HEPH: variants seen among roughly 807,000 people sequenced by gnomAD.
The protein encoded by HEPH is hephaestin.
HEPH carries 69 observed loss-of-function variants against 80.8 expected under a neutral mutation model. The observed-to-expected ratio is 0.85, with a 90% CI of 0.70 to 1.04. The LOEUF (loss-of-function observed/expected upper bound fraction) is 1.04, where lower values mean the gene tolerates loss of function less well. HEPH is among the 50% of genes least tolerant of loss of function. HEPH has a pLI of 0.00. For missense variants in HEPH, 1,115 were observed against 891.3 expected (o/e 1.25, Z -3.20); for synonymous variants, 431 against 322.8 (o/e 1.34, Z -3.60).
intron 15 of HEPH, among the ~76,000 whole-genome samples, chrX:66,239,612 A>T (rs1299695873): frequency 1.8e-5 from 2 of 111,833 alleles, no homozygotes; most frequent in African/African-American, 6.5e-5. Flanking sequence ...GATATGCATG[A>T]TTCTCAGCCA....
intron 1 of HEPH, among the ~76,000 whole-genome samples, chrX:66,164,693 A>G (rs1006450511): frequency 6.3e-5 from 7 of 111,937 alleles, no homozygotes; most frequent in Non-Finnish European, 1.3e-4. Flanking sequence ...TGTCTGTTTC[A>G]GGGCCAATCC....
chrX:66,219,477 C>T (rs1222569204), intron 15 of HEPH, among the ~76,000 whole-genome samples: 1 of 112,038 alleles, frequency 8.9e-6, no homozygotes, highest in Non-Finnish European at 1.9e-5. Context: ...TAGCATTTCT[C>T]ATCTGAGTTT....
chrX:66,164,905 A>G (rs1384870524), intron 1 of HEPH, among the ~76,000 whole-genome samples: 2 of 112,297 alleles, frequency 1.8e-5, no homozygotes, highest in Non-Finnish European at 3.8e-5. Context: ...TAACTAAGCT[A>G]AACATCTGAA....
intron 14 of HEPH, among the ~76,000 whole-genome samples, chrX:66,207,853 G>C (rs768547642): frequency 9.0e-6 from 1 of 111,211 alleles, no homozygotes; most frequent in Non-Finnish European, 1.9e-5. Context: ...GTTATAGATA[G>C]AGGGTAGGGG....
intron 16 of HEPH, among the ~76,000 whole-genome samples, chrX:66,255,587 G>A (rs914058637): frequency 9.0e-6 from 1 of 111,725 alleles, no homozygotes; most frequent in African/African-American, 3.3e-5. Context: ...CCAGCCATTA[G>A]TAATCATTTA....
In HEPH at chrX:66,188,399, A is replaced by C; in HGVS notation, c.666A>C (p.Val222=). Residue 222 remains valine (V), a synonymous_variant, in exon 5 of 21, where the codon GTA becomes GTC. Transcript: ENST00000343002. ...ACTCCCCTCCTCAACGCCAGGATGT[A>C]GACCATGATTTCTTCCTCCTCTTCA... ...DGNSPPQRQD[V]DHDFFLLFSV... is the part of the protein sequence containing the mutation. 1 of 1,202,906 alleles carries C rather than the reference A, an allele frequency of 8.3e-7. No homozygotes were observed. Among genetic ancestry groups the C allele is most frequent in the East Asian group, 3.0e-5 (1 of 33,728 alleles).
chrX:66,184,146 TGTG>T (rs1234498590), intron 4 of HEPH, among the ~76,000 whole-genome samples: 3 of 43,579 alleles, frequency 6.9e-5, no homozygotes, highest in Non-Finnish European at 1.0e-4. Context: ...TTGGAATAGG[TGTG>T]GTGTGGTGCT....
intron 15 of HEPH, among the ~76,000 whole-genome samples, chrX:66,232,484 A>T (rs1431823117): frequency 8.9e-6 from 1 of 111,873 alleles, no homozygotes; most frequent in Non-Finnish European, 1.9e-5. Context: ...TATCTGCTTC[A>T]GAATGCTGAC....
At chrX:66,190,292 G>A (rs2087722562) in intron 6 of HEPH, among the ~76,000 whole-genome samples, 1 of 111,165 alleles carries the variant, frequency 9.0e-6, no homozygotes, top group Admixed American at 9.6e-5. Context: ...GAGTGAAGGA[G>A]AGATTAATTA....
upstream of HEPH, chrX:66,164,160 A>T (rs1191691361): frequency 2.7e-6 from 2 of 729,222 alleles, no homozygotes; most frequent in Non-Finnish European, 1.6e-6. Context: ...TCCTCCTGAG[A>T]TCCTAACCAG....
chrX:66,229,654 G>A (rs1046960346), intron 15 of HEPH, among the ~76,000 whole-genome samples: 3 of 111,878 alleles, frequency 2.7e-5, no homozygotes, highest in Non-Finnish European at 3.8e-5. Flanking sequence ...TTTCCAAGAT[G>A]TTTATACCAG....
At chrX:66,189,368 C>T (rs937918903) in intron 5 of HEPH, among the ~76,000 whole-genome samples, 1 of 112,315 alleles carries the variant, frequency 8.9e-6, no homozygotes, top group Non-Finnish European at 1.9e-5. Context: ...TAACTAAATT[C>T]CTTAGAGAGC....
intron 1 of HEPH, among the ~76,000 whole-genome samples, chrX:66,166,262 C>T (rs542853174): frequency 9.0e-6 from 1 of 111,415 alleles, no homozygotes; most frequent in African/African-American, 3.3e-5. Flanking sequence ...GGTGCGATTT[C>T]GGCTCACCAC....
chrX:66,191,201 G>A (rs1189823635), intron 6 of HEPH, among the ~76,000 whole-genome samples: 6 of 111,442 alleles, frequency 5.4e-5, no homozygotes, highest in Non-Finnish European at 1.1e-4. Flanking sequence ...GCAACCTTGG[G>A]CAAGTTATTT....
chrX:66,235,292 A>G lies in HEPH; in HGVS notation c.2564-19743A>G, dbSNP rs146925105. On this transcript the variant is annotated intron_variant, in intron 15 of 20. Coordinates refer to ENST00000343002, the MANE Select transcript of HEPH (RefSeq NM_001367233.3). ...TGCCTTTTTGTAGATCCAGGATGGT[A>G]TTGCCTAAGTTTTCTTCCAGTATTT... Among the ~76,000 whole-genome samples, 413 of 111,502 alleles carry G rather than the reference A, an allele frequency of 3.7e-3. 4 individuals are homozygous for G. Among genetic ancestry groups the G allele is most frequent in the African/African-American group, 0.013 (391 of 30,671 alleles).
chrX:66,191,111 A>T (rs1046113522), intron 6 of HEPH, among the ~76,000 whole-genome samples: 5 of 112,028 alleles, frequency 4.5e-5, no homozygotes, highest in Non-Finnish European at 7.5e-5. Flanking sequence ...GATAGTAGAT[A>T]TAAGAAAATA....
At chrX:66,214,272 A>T (rs2089288335) in intron 15 of HEPH, among the ~76,000 whole-genome samples, 1 of 112,385 alleles carries the variant, frequency 8.9e-6, no homozygotes, top group Admixed American at 9.4e-5. Flanking sequence ...GACCAGCCTG[A>T]TAAAGTAGAA....
chrX:66,243,668 C>T (rs181414555), intron 15 of HEPH, among the ~76,000 whole-genome samples: 47 of 112,967 alleles, frequency 4.2e-4, no homozygotes, highest in African/African-American at 1.3e-3. Flanking sequence ...AGTTTACATT[C>T]GGTTAATATT....
chrX:66,184,568 C>T (rs1383002179), intron 4 of HEPH, among the ~76,000 whole-genome samples: 1 of 40,429 alleles, frequency 2.5e-5, no homozygotes, highest in Admixed American at 3.0e-4. Context: ...GATCTTCCTC[C>T]ATCCTTTTAT....
Sources: allele counts gnomAD v4.1 joint callset (sites outside exome capture counted in the v4.1 genomes callset), GRCh38; gene constraint gnomAD v4.1.1; transcripts MANE v1.5; gene names NCBI Gene and HGNC (gene_info 2026-07-23, HGNC 2026-07-21).